PCDH15: variants seen among roughly 807,000 people sequenced by gnomAD.
PCDH15 encodes protocadherin related 15.
In PCDH15, 129 loss-of-function variants were observed where a neutral mutation model predicts 178.5. The ratio of observed to expected loss-of-function variants is 0.72; its 90% CI spans 0.63 to 0.84. PCDH15 has a LOEUF of 0.84. PCDH15 is among the 40% of genes least tolerant of loss of function. The pLI is 0.00. For missense variants in PCDH15, 2,230 were observed against 2,099.9 expected, an observed-to-expected ratio of 1.06 and a Z score of -1.21; for synonymous variants, 800 against 732.0, an observed-to-expected ratio of 1.09 and a Z score of -1.50.
chr10:53,980,090 G>A (rs535009611), intron 21 of PCDH15, among the ~76,000 whole-genome samples: 15 of 148,088 alleles, frequency 1.0e-4, no homozygotes, highest in African/African-American at 2.4e-4. Context: ...GCATCGTGGC[G>A]GGCACCTGTA....
chr10:53,925,344 G>A (rs755116925), intron 25 of PCDH15, among the ~76,000 whole-genome samples: 45 of 152,176 alleles, frequency 3.0e-4, no homozygotes, highest in Non-Finnish European at 4.4e-4. Context: ...CGCTTACCGC[G>A]AAGGTCTGCA....
chr10:55,288,050 T>C (rs1842915490), intron 1 of PCDH15, among the ~76,000 whole-genome samples: 1 of 150,478 alleles, frequency 6.6e-6, no homozygotes, highest in South Asian at 2.1e-4. Context: ...TACTGAATAC[T>C]GACACGATAC....
chr10:55,196,597 A>T (rs961224728), intron 1 of PCDH15, among the ~76,000 whole-genome samples: 1 of 152,112 alleles, frequency 6.6e-6, no homozygotes, highest in African/African-American at 2.4e-5. Flanking sequence ...GAGCACACAC[A>T]ATCTCTAATT....
chr10:54,576,855 T>C (rs545701190), intron 2 of PCDH15, among the ~76,000 whole-genome samples: 60 of 152,300 alleles, frequency 3.9e-4, no homozygotes, highest in African/African-American at 1.3e-3. Flanking sequence ...TCAAGTAATA[T>C]TGAATGTACA....
At chr10:54,526,506 A>C (rs2132640478) in intron 3 of PCDH15, among the ~76,000 whole-genome samples, 1 of 152,268 alleles carries the variant, frequency 6.6e-6, no homozygotes, top group East Asian at 1.9e-4. Flanking sequence ...TGTAACAGAG[A>C]ATCTTTTTTC....
At chr10:55,062,120 A>G (rs1025867559) in intron 2 of PCDH15, among the ~76,000 whole-genome samples, 8 of 152,220 alleles carry the variant, frequency 5.3e-5, no homozygotes, top group African/African-American at 1.9e-4. Context: ...ACATTCAAAT[A>G]TTAAATCCTT....
At chr10:54,522,150 ACAG>A (rs2082949100) in intron 3 of PCDH15, among the ~76,000 whole-genome samples, 1 of 151,644 alleles carries the variant, frequency 6.6e-6, no homozygotes, top group Non-Finnish European at 1.5e-5. Context: ...ACATCTACAC[ACAG>A]TTGTGAATTT....
chr10:54,195,755 T>G lies in PCDH15; in HGVS notation c.1233A>C (p.Gly411=), dbSNP rs776882005. 1 of 1,614,116 alleles carries G rather than the reference T, an allele frequency of 6.2e-7. No individual in the cohort carries two copies. Among genetic ancestry groups the G allele is most frequent in the South Asian group, 1.1e-5 (1 of 91,082 alleles). Residue 411 remains glycine, a synonymous_variant, in exon 11 of 38, where the codon GGA becomes GGC. Coordinates refer to ENST00000644397, the MANE Select transcript of PCDH15 (RefSeq NM_001384140.1). ...QGYILESAPV[G]ATISDSLNLT... ...AATTGAGACTGTCCGAAATGGTTGC[T>G]CCCACTGGGGCAGATTCCAGGATAT...
intron 3 of PCDH15, among the ~76,000 whole-genome samples, chr10:54,413,327 C>A (rs1245096609): frequency 6.6e-6 from 1 of 152,208 alleles, no homozygotes; most frequent in East Asian, 1.9e-4. Context: ...AAAGTGAAGT[C>A]CAGGAACCAC....
intron 2 of PCDH15, among the ~76,000 whole-genome samples, chr10:55,627,211 G>A (rs1837546971): frequency 6.7e-6 from 1 of 148,996 alleles, no homozygotes; most frequent in Non-Finnish European, 1.5e-5. Flanking sequence ...AAGAAAACTT[G>A]CATGGGGAAA....
At chr10:54,558,919 C>T (rs1281896998) in intron 2 of PCDH15, among the ~76,000 whole-genome samples, 2 of 151,744 alleles carry the variant, frequency 1.3e-5, no homozygotes, top group African/African-American at 4.8e-5. Flanking sequence ...TACATGTTTC[C>T]TTTTATTCTT....
Position 55,401,580 on chromosome 10 carries a change from A to G in PCDH15, c.-156+226045T>C, listed in dbSNP as rs544438299. On this transcript the variant is annotated intron_variant, in intron 2 of 5. Coordinates refer to the PCDH15 transcript ENST00000613346. The stretch of plus-strand genomic sequence containing the variant: ...ACATGACTTACCACTTCTTTACTGG[A>G]CCAATTTGCCTTACTGTGTGTGTGT... Among the ~76,000 whole-genome samples the G allele has an allele frequency of 3.6e-5, 5 of 140,280 alleles. No homozygotes were observed. In the East Asian group the frequency reaches 8.2e-4, roughly 23 times the overall value. The allele number at this position is 140,280 out of a possible 152,430, so 92.0% of individuals were successfully genotyped here.
chr10:54,671,403 C>G lies in PCDH15; in HGVS notation c.-28-7113G>C, dbSNP rs192249652. Among the ~76,000 whole-genome samples, 7 of 152,116 alleles carry G rather than the reference C, an allele frequency of 4.6e-5. No homozygotes were observed. In the East Asian group the frequency reaches 1.4e-3, roughly 29 times the overall value. On this transcript the variant is annotated intron_variant, in intron 1 of 37. Transcript: ENST00000644397. ...ATTAAGTCAGTCAACAGAGACTAAA[C>G]GTAAAAGTATGAAAATGTCAGTGAC...
chr10:55,204,937 T>C (rs1840354377), intron 1 of PCDH15, among the ~76,000 whole-genome samples: 2 of 152,118 alleles, frequency 1.3e-5, no homozygotes, highest in African/African-American at 2.4e-5. Context: ...GGATTAAATC[T>C]ATTAAATAAT....
At chr10:54,782,513 T>A (rs1950471306) in intron 1 of PCDH15, among the ~76,000 whole-genome samples, 1 of 152,164 alleles carries the variant, frequency 6.6e-6, no homozygotes, top group South Asian at 2.1e-4. Context: ...TCTGTTCTTT[T>A]TCTAATTGAT....
chr10:54,614,378 T>C (rs2093063726), intron 2 of PCDH15, among the ~76,000 whole-genome samples: 1 of 151,994 alleles, frequency 6.6e-6, no homozygotes, highest in Non-Finnish European at 1.5e-5. Context: ...GTAAAAGCAG[T>C]TGAAAATGCT....
intron 3 of PCDH15, among the ~76,000 whole-genome samples, chr10:54,471,100 A>G (rs1233608725): frequency 6.6e-6 from 1 of 152,208 alleles, no homozygotes; most frequent in Non-Finnish European, 1.5e-5. Flanking sequence ...ATCATTCTGT[A>G]TGTTACATGT....
At chr10:55,297,757 G>C (rs887463124) in intron 1 of PCDH15, among the ~76,000 whole-genome samples, 1 of 152,054 alleles carries the variant, frequency 6.6e-6, no homozygotes, top group Non-Finnish European at 1.5e-5. Flanking sequence ...ACCCTAGTAA[G>C]GGGCTGGGGC....
intron 13 of PCDH15, among the ~76,000 whole-genome samples, chr10:54,159,564 AC>A (rs1199992275): frequency 6.6e-6 from 1 of 152,128 alleles, no homozygotes; most frequent in African/African-American, 2.4e-5. Context: ...AACCGTAAGA[AC>A]CCTAAATATA....
Sources: gnomAD v4.1 joint callset for allele counts (sites outside exome capture counted in the v4.1 genomes callset) on GRCh38, gnomAD v4.1.1 for gene constraint, MANE v1.5 for transcripts, NCBI Gene and HGNC (gene_info 2026-07-23, HGNC 2026-07-21) for gene names.